BAZ1A: variants seen among roughly 807,000 people sequenced by gnomAD.
The protein encoded by BAZ1A is bromodomain adjacent to zinc finger domain 1A.
A neutral mutation model predicts 185.2 loss-of-function variants in BAZ1A; 50 were observed. That is an observed-to-expected ratio of 0.27 (90% confidence interval 0.22 to 0.34). BAZ1A has a LOEUF of 0.34. Ranked by LOEUF, BAZ1A falls within the 10% of genes least tolerant of loss-of-function variation. The probability of loss-of-function intolerance (pLI) is 1.00; values close to 1 mark genes in which losing one functional copy is unlikely to be tolerated. For missense variants in BAZ1A, 1,356 were observed against 1,839.9 expected (o/e 0.74, Z 4.81); for synonymous variants, 571 against 615.6 (o/e 0.93, Z 1.07).
intron 21 of BAZ1A, chr14:34,771,303 A>G (rs960115687): frequency 1.9e-6 from 1 of 514,348 alleles, no homozygotes; most frequent in Admixed American, 3.6e-5. Context: ...CTAGCTGGTA[A>G]TCTTTCTTTT....
At chr14:34,755,131 A>C (rs186039154) in intron 25 of BAZ1A, among the ~76,000 whole-genome samples, 6 of 152,100 alleles carry the variant, frequency 3.9e-5, no homozygotes, top group Admixed American at 2.6e-4. Context: ...CTATATATAC[A>C]CACCATTGTC....
chr14:34,811,392 T>C (rs1200393), intron 4 of BAZ1A, among the ~76,000 whole-genome samples: 130,861 of 152,170 alleles, frequency 0.86, 57,226 homozygotes, highest in Non-Finnish European at 0.95. Flanking sequence ...CTGCCTACCT[T>C]GGCCTCCCAA....
At chr14:34,822,845 C>T (rs1301850232) in intron 4 of BAZ1A, among the ~76,000 whole-genome samples, 1 of 152,128 alleles carries the variant, frequency 6.6e-6, no homozygotes, top group Non-Finnish European at 1.5e-5. Context: ...TACCTTATAA[C>T]AGGCAAAATA....
In BAZ1A at chr14:34,784,672, C is replaced by T. The variant is rs574895416; in HGVS notation, c.1832-745G>A. On this transcript the variant is annotated intron_variant, in intron 14 of 26. Coordinates refer to ENST00000360310, the MANE Select transcript of BAZ1A (RefSeq NM_013448.3). ...AGCTGGGACTACAGGCGCCCGCCAC[C>T]ACGCCTAGCTAATTTTTTTGTATTT... is the stretch of plus-strand genomic sequence containing the variant. 8.2e-4 allele frequency among the ~76,000 whole-genome samples: 125 copies of T among 151,702 alleles called. 1 individual carries two copies. Among genetic ancestry groups the T allele is most frequent in the Non-Finnish European group, 5.9e-5 (4 of 67,932 alleles).
intron 3 of BAZ1A, among the ~76,000 whole-genome samples, chr14:34,845,643 G>A (rs1231335302): frequency 2.6e-5 from 4 of 151,944 alleles, no homozygotes; most frequent in Non-Finnish European, 4.4e-5. Context: ...GGCGGATCAC[G>A]AGGTCAAGAG....
chr14:34,791,316 A>G (rs143025199), intron 12 of BAZ1A, among the ~76,000 whole-genome samples: 14 of 152,302 alleles, frequency 9.2e-5, no homozygotes, highest in Admixed American at 7.8e-4. Flanking sequence ...ATACAGCTTT[A>G]TGTCTTGTAT....
chr14:34,829,465 C>A (rs990515042), intron 3 of BAZ1A, among the ~76,000 whole-genome samples: 1 of 151,924 alleles, frequency 6.6e-6, no homozygotes, highest in Non-Finnish European at 1.5e-5. Context: ...TAGCAACTTC[C>A]TATCAATTTA....
Position 34,776,651 on chromosome 14 carries a change from T to C in BAZ1A, c.2237-136A>G, listed in dbSNP as rs570299716. 5 of 682,546 alleles carry C rather than the reference T, an allele frequency of 7.3e-6. No individual in the cohort carries two copies. The East Asian group carries it at 8.2e-5, about 11-fold the overall frequency. 42.3% of individuals were successfully genotyped at this position (682,546 alleles called of 1,614,324 possible). ...CCCTCTCCACAACCCCAAGTTCATA[T>C]GTTGAAGCCCTAACCTCCAATGTGA... On this transcript the variant is annotated intron_variant, in intron 17 of 26. Transcript: ENST00000360310.
intron 15 of BAZ1A, 104 bp from the exon 16 acceptor site, chr14:34,783,336 T>C (rs1880171829): frequency 2.9e-6 from 2 of 697,256 alleles, no homozygotes; most frequent in Admixed American, 2.7e-5. Context: ...CAAACATTAT[T>C]ATAAAACTAT....
At chr14:34,812,998 T>A (rs1236412166) in intron 4 of BAZ1A, among the ~76,000 whole-genome samples, 1 of 152,136 alleles carries the variant, frequency 6.6e-6, no homozygotes, top group East Asian at 1.9e-4. Flanking sequence ...CCAAGTTAAT[T>A]TCACAACCTA....
chr14:34,844,900 C>T (rs746972066), intron 3 of BAZ1A, among the ~76,000 whole-genome samples: 3 of 151,742 alleles, frequency 2.0e-5, no homozygotes, highest in Non-Finnish European at 4.4e-5. Flanking sequence ...AAATAAAAAT[C>T]AGAAGACTAT....
intron 4 of BAZ1A, among the ~76,000 whole-genome samples, chr14:34,816,080 CTTTTTTT>C (rs35830800): frequency 2.5e-5 from 2 of 79,394 alleles, no homozygotes; most frequent in East Asian, 8.8e-4. Context: ...TATTCCAGAC[CTTTTTTT>C]TTTTTTTTTT....
At chr14:34,759,184 T>TTTTTTTTTTTTTTTTTTG (rs1886410722) in intron 24 of BAZ1A, among the ~76,000 whole-genome samples, 2 of 108,026 alleles carry the variant, frequency 1.9e-5, no homozygotes, top group African/African-American at 3.9e-5. Flanking sequence ...TTTTTTTTTT[T>TTTTTTTTTTTTTTTTTTG]TTTTTTTTTT....
intron 24 of BAZ1A, among the ~76,000 whole-genome samples, chr14:34,760,007 C>T (rs1402711922): frequency 1.3e-5 from 2 of 151,908 alleles, no homozygotes; most frequent in African/African-American, 2.4e-5. Context: ...AGATAATGTT[C>T]GAAAAGCAAA....
intron 3 of BAZ1A, among the ~76,000 whole-genome samples, chr14:34,841,975 T>C (rs1235756183): frequency 1.3e-5 from 2 of 152,172 alleles, no homozygotes; most frequent in Non-Finnish European, 2.9e-5. Flanking sequence ...TTTTTAACTT[T>C]TTAATTATTT....
Position 34,875,137 on chromosome 14 carries a change from C to A in BAZ1A, c.-59+1G>T. 1 of 400,168 alleles carries A rather than the reference C, an allele frequency of 2.5e-6. No individual in the cohort carries two copies. The highest frequency in any genetic ancestry group is 5.1e-6 in the Non-Finnish European group (1 of 197,602). The allele number at this position is 400,168 out of a possible 1,614,324, so 24.8% of individuals were successfully genotyped here. On this transcript the variant is annotated splice_donor_variant, in intron 1 of 26. Transcript: ENST00000360310. LOFTEE classifies it low-confidence loss of function (5UTR_SPLICE). ...CCGGCCGGCTCCCGAGCGACCCTCA[C>A]CTGCGATCACGCCGACTGCCACTTG...
intron 24 of BAZ1A, among the ~76,000 whole-genome samples, chr14:34,759,884 A>T (rs1218161800): frequency 6.6e-6 from 1 of 152,034 alleles, no homozygotes; most frequent in African/African-American, 2.4e-5. Context: ...TGTGTTGGCC[A>T]GGCTGGTCTC....
intron 3 of BAZ1A, among the ~76,000 whole-genome samples, chr14:34,834,377 T>C (rs994672244): frequency 6.6e-6 from 1 of 152,112 alleles, no homozygotes; most frequent in African/African-American, 2.4e-5. Context: ...TGAACCCAAT[T>C]ACAGTTGATG....
chr14:34,784,367 CAAAAAAAAAAAAAA>C (rs368815964), intron 14 of BAZ1A, among the ~76,000 whole-genome samples: 15 of 77,178 alleles, frequency 1.9e-4, no homozygotes, highest in South Asian at 1.3e-3. Flanking sequence ...GACTCTGTCT[CAAAAAAAAAAAAAA>C]AAAAAAAAAA....
Sources: allele counts gnomAD v4.1 joint callset (sites outside exome capture counted in the v4.1 genomes callset), GRCh38; gene constraint gnomAD v4.1.1; transcripts MANE v1.5; gene names NCBI Gene and HGNC (gene_info 2026-07-23, HGNC 2026-07-21).